The following PPARA variants were observed in gnomAD, a reference collection of about 807,000 sequenced individuals.
PPARA encodes the protein peroxisome proliferator activated receptor alpha, also known as peroxisome proliferator-activated receptor alpha.
A neutral mutation model predicts 42.2 loss-of-function variants in PPARA; 22 were observed. The observed-to-expected ratio is 0.52, with a 90% CI of 0.37 to 0.74. The LOEUF (loss-of-function observed/expected upper bound fraction) is 0.74. PPARA is among the 30% of genes least tolerant of loss of function. The pLI is 0.00. For synonymous variants in PPARA, 242 were observed against 239.3 expected, an observed-to-expected ratio of 1.01 and a Z score of -0.10; for missense variants, 465 against 608.2, an observed-to-expected ratio of 0.76 and a Z score of 2.48.
At chr22:46,207,677 A>ATTTTTTTTTTTTTTTTTT (rs764662561) in intron 4 of PPARA, among the ~76,000 whole-genome samples, 2 of 50,724 alleles carry the variant, frequency 3.9e-5, no homozygotes, top group Non-Finnish European at 6.6e-5. Context: ...TATTATTATT[A>ATTTTTTTTTTTTTTTTTT]TTTTTTTTTT....
Position 46,219,843 on chromosome 22 carries a change from G to A in PPARA, c.540G>A (p.Glu180=). ...AIRFGRMPRS[E]KAKLKAEILT... is the part of the protein sequence containing the mutation. ...GTTTTGGACGAATGCCAAGATCTGA[G>A]AAAGCAAAACTGAAAGCAGAAATTC... The change falls in exon 7 of 9, where the codon GAG becomes GAA. Residue 180 remains glutamate (E), a synonymous_variant. Transcript: ENST00000407236. The surrounding 1 kb of genome is among the most constrained non-coding windows in gnomAD (Gnocchi z 4.8). 1.2e-6 allele frequency: 2 copies of A among 1,614,176 alleles called. No individual in the cohort carries two copies. Among genetic ancestry groups the A allele is most frequent in the Admixed American group, 1.7e-5 (1 of 60,010 alleles).
chr22:46,194,753 T>C (rs1404735539), intron 3 of PPARA, among the ~76,000 whole-genome samples: 1 of 151,650 alleles, frequency 6.6e-6, no homozygotes, highest in Non-Finnish European at 1.5e-5. Flanking sequence ...TTTGTATTTT[T>C]AGTAGAGACG....
Position 46,182,330 on chromosome 22 carries a change from A to G in PPARA, c.-43+5494A>G, listed in dbSNP as rs1311005284. On this transcript the variant is annotated intron_variant, in intron 3 of 8. Transcript: ENST00000407236. The surrounding 1 kb of genome is among the most constrained non-coding windows in gnomAD (Gnocchi z 5.2). ...TCAGATGCCATTAATAGGTGAATAT[A>G]TTCTCAAACTGTGGTTATCCATACA... Among the ~76,000 whole-genome samples the G allele has an allele frequency of 6.6e-6, 1 of 152,264 alleles. No individual in the cohort carries two copies. Among genetic ancestry groups the G allele is most frequent in the African/African-American group, 2.4e-5 (1 of 41,464 alleles).
At chr22:46,172,540 CCTGGGAGGTGGATGTTG>C (rs1186683552) in intron 2 of PPARA, among the ~76,000 whole-genome samples, 1 of 152,102 alleles carries the variant, frequency 6.6e-6, no homozygotes, top group Non-Finnish European at 1.5e-5. Flanking sequence ...ATCACTTGAA[CCTGGGAGGTGGATGTTG>C]CTGTGAGCTG....
chr22:46,214,859 G>A (rs564971371), intron 4 of PPARA, among the ~76,000 whole-genome samples: 1 of 151,280 alleles, frequency 6.6e-6, no homozygotes, highest in East Asian at 2.0e-4. Context: ...TGGGAGACGC[G>A]CGGGCCCGGA....
chr22:46,198,082 C>CA (rs1169102520), intron 3 of PPARA, among the ~76,000 whole-genome samples: 1 of 142,320 alleles, frequency 7.0e-6, no homozygotes, highest in African/African-American at 2.7e-5. Context: ...AAAAAAAATA[C>CA]AAAAAATTAG....
rs1356594000 is a variant in PPARA at position 46,212,055 on chromosome 22, C to G, written c.209-3118C>G. 6.7e-6 allele frequency among the ~76,000 whole-genome samples: 1 copy of G among 149,912 alleles called. No individual in the cohort carries two copies. Among genetic ancestry groups the G allele is most frequent in the Non-Finnish European group, 1.5e-5 (1 of 67,456 alleles). ...TCTTTCTCTTTCCCTCTCCTCTCTT[C>G]TCCTCTCCTCTCCTTTGATGGAGGT... On this transcript the variant is annotated intron_variant, in intron 4 of 8. Transcript: ENST00000407236. This position sits in a 1 kb window ranked among gnomAD's most constrained non-coding sequence, Gnocchi z 4.2.
In PPARA at chr22:46,184,065, T is replaced by C. The variant is rs1417903755; in HGVS notation, c.-43+7229T>C. On this transcript the variant is annotated intron_variant, in intron 3 of 8. Transcript: ENST00000407236. This position sits in a 1 kb window ranked among gnomAD's most constrained non-coding sequence, Gnocchi z 4.4. Reference sequence around the variant, plus strand: ...TGAGTTAATGCACATTAGGTTCTTATTTATGACAGTGCCTGGCATAGGATA... The same window carrying C: ...TGAGTTAATGCACATTAGGTTCTTACTTATGACAGTGCCTGGCATAGGATA... Among the ~76,000 whole-genome samples, 1 of 152,228 alleles carries C rather than the reference T, an allele frequency of 6.6e-6. No homozygotes were observed. Among genetic ancestry groups the C allele is most frequent in the Non-Finnish European group, 1.5e-5 (1 of 68,048 alleles).
Position 46,212,469 on chromosome 22 carries a change from T to C in PPARA, c.209-2704T>C, listed in dbSNP as rs1288230165. Among the ~76,000 whole-genome samples, 2 of 152,200 alleles carry C rather than the reference T, an allele frequency of 1.3e-5. No homozygotes were observed. The highest frequency in any genetic ancestry group is 4.8e-5 in the African/African-American group (2 of 41,448). ...AGCTCAGAAATGGTTCTTTTTACCA[T>C]TGCTATAATTTTGCCTTTTCCAGAA... On this transcript the variant is annotated intron_variant, in intron 4 of 8. Transcript: ENST00000407236. This position sits in a 1 kb window ranked among gnomAD's most constrained non-coding sequence, Gnocchi z 4.2.
intron 2 of PPARA, among the ~76,000 whole-genome samples, chr22:46,157,798 C>T (rs989379516): frequency 6.6e-6 from 1 of 152,100 alleles, no homozygotes; most frequent in Non-Finnish European, 1.5e-5. Context: ...TTGGAGAAAA[C>T]TCAGATGAAA....
In PPARA at chr22:46,171,360, A is replaced by T. The variant is rs1928006802; in HGVS notation, c.-126-5393A>T. 6.6e-6 allele frequency: 1 copy of T among 152,270 alleles called. No individual in the cohort carries two copies. Among genetic ancestry groups the T allele is most frequent in the African/African-American group, 2.4e-5 (1 of 41,444 alleles). The allele number at this position is 152,270 out of a possible 1,614,324, so 9.4% of individuals were successfully genotyped here. A position where few individuals can be genotyped will look rare whatever the true frequency, so the allele number is the denominator to read the frequency against. On this transcript the variant is annotated intron_variant, in intron 2 of 8. Transcript: ENST00000407236. The surrounding 1 kb of genome is among the most constrained non-coding windows in gnomAD (Gnocchi z 5.0). Reference sequence around the variant, plus strand: ...TTGTTCTAAGATACGTAAGTGAACAAAACCCATGACACCCTCGTCTATGAG... The same window carrying T: ...TTGTTCTAAGATACGTAAGTGAACATAACCCATGACACCCTCGTCTATGAG...
rs761230346 is a variant in PPARA at position 46,220,111 on chromosome 22, T to A, written c.711+97T>A. On this transcript the variant is annotated intron_variant, in intron 7 of 8. Coordinates refer to ENST00000407236, the MANE Select transcript of PPARA (RefSeq NM_005036.6). ...CATGTGTTGAATGTTGAGAAAATTA[T>A]ATTTATCCCACAGTTAAGCAAAGGA... The A allele has an allele frequency of 2.9e-6, 4 of 1,366,910 alleles. No homozygotes were observed. In the African/African-American group the frequency reaches 5.7e-5, roughly 20 times the overall value. The allele number at this position is 1,366,910 out of a possible 1,614,324, so 84.7% of individuals were successfully genotyped here.
chr22:46,158,304 G>A (rs1364947604), intron 2 of PPARA, among the ~76,000 whole-genome samples: 1 of 152,172 alleles, frequency 6.6e-6, no homozygotes, highest in Non-Finnish European at 1.5e-5. Flanking sequence ...CTACTCAGGA[G>A]GCTGAGGCAG....
In PPARA at chr22:46,184,724, G is replaced by T. The variant is rs903846069; in HGVS notation, c.-43+7888G>T. On this transcript the variant is annotated intron_variant, in intron 3 of 8. Transcript: ENST00000407236. The surrounding 1 kb of genome is among the most constrained non-coding windows in gnomAD (Gnocchi z 4.4). Reference sequence around the variant, plus strand: ...ACAAAAATTAGCCAGGCGTGGTGGCGCACGCCTGTAGTACCAGCTATTCGG... The same window carrying T: ...ACAAAAATTAGCCAGGCGTGGTGGCTCACGCCTGTAGTACCAGCTATTCGG... 2.6e-5 allele frequency among the ~76,000 whole-genome samples: 4 copies of T among 152,134 alleles called. No homozygotes were observed. The South Asian group carries it at 8.3e-4, about 32-fold the overall frequency.
intron 2 of PPARA, chr22:46,164,038 A>T (rs2147145192): frequency 6.6e-6 from 1 of 151,922 alleles, no homozygotes; most frequent in South Asian, 2.1e-4. Flanking sequence ...CAACATGGTG[A>T]AACCTTGTCT....
chr22:46,168,351 C>CAAAAAAAA lies in PPARA; in HGVS notation c.-126-8382_-126-8375dup, dbSNP rs35345592. On this transcript the variant is annotated intron_variant, in intron 2 of 8. Coordinates refer to ENST00000407236, the MANE Select transcript of PPARA (RefSeq NM_005036.6). ...TGGACAACAGAGCGAGACTCCATCTCAAAAAAAAAAAAAAAAAAAAAAAAA... is the reference window on the plus strand; with the variant it reads ...TGGACAACAGAGCGAGACTCCATCTCAAAAAAAAAAAAAAAAAAAAAAAAAAAAAAAAA... 2.9e-3 allele frequency among the ~76,000 whole-genome samples: 42 copies of CAAAAAAAA among 14,358 alleles called. 2 individuals carry two copies. Among genetic ancestry groups the CAAAAAAAA allele is most frequent in the African/African-American group, 4.3e-3 (20 of 4,642 alleles). 9.4% of individuals were successfully genotyped at this position (14,358 alleles called of 152,430 possible).
At position 46,212,483 on chromosome 22, in the gene PPARA, C is replaced by A. The variant is rs774329304; in HGVS notation, c.209-2690C>A. 1.3e-5 allele frequency among the ~76,000 whole-genome samples: 2 copies of A among 152,202 alleles called. No individual in the cohort carries two copies. Among genetic ancestry groups the A allele is most frequent in the Non-Finnish European group, 1.5e-5 (1 of 68,040 alleles). On this transcript the variant is annotated intron_variant, in intron 4 of 8. Coordinates refer to ENST00000407236, the MANE Select transcript of PPARA (RefSeq NM_005036.6). The surrounding 1 kb of genome is among the most constrained non-coding windows in gnomAD (Gnocchi z 4.2). ...TCTTTTTACCATTGCTATAATTTTG[C>A]CTTTTCCAGAACGCCATGAATTTGA...
rs373704324 is a variant in PPARA at position 46,231,748 on chromosome 22, C to T, written c.712-44C>T. 926 of 1,560,626 alleles carry T rather than the reference C, an allele frequency of 5.9e-4. No homozygotes were observed. Among genetic ancestry groups the T allele is most frequent in the Non-Finnish European group, 7.3e-4 (835 of 1,138,192 alleles). Reference sequence around the variant, plus strand: ...AGTGAGCTGATAGCTGGGAGCATAGCGCATCCCACATCACCTGACTTACCT... The same window carrying T: ...AGTGAGCTGATAGCTGGGAGCATAGTGCATCCCACATCACCTGACTTACCT... On this transcript the variant is annotated intron_variant, in intron 7 of 8. Coordinates refer to ENST00000407236, the MANE Select transcript of PPARA (RefSeq NM_005036.6). This position sits in a 1 kb window ranked among gnomAD's most constrained non-coding sequence, Gnocchi z 7.7.
Position 46,211,172 on chromosome 22 carries a change from TTC to T in PPARA, c.209-3999_209-3998del, listed in dbSNP as rs1235890682. Among the ~76,000 whole-genome samples, 2 of 152,220 alleles carry T rather than the reference TTC, an allele frequency of 1.3e-5. No individual in the cohort carries two copies. Among genetic ancestry groups the T allele is most frequent in the African/African-American group, 4.8e-5 (2 of 41,456 alleles). On this transcript the variant is annotated intron_variant, in intron 4 of 8. Coordinates refer to ENST00000407236, the MANE Select transcript of PPARA (RefSeq NM_005036.6). This position sits in a 1 kb window ranked among gnomAD's most constrained non-coding sequence, Gnocchi z 4.1. ...TGTCTATACAGGAATCTATCGGTAT[TTC>T]TGTCTGTGGCCATCTGTAGCTGTAT...
Sources: allele counts gnomAD v4.1 joint callset (sites outside exome capture counted in the v4.1 genomes callset), GRCh38; gene constraint gnomAD v4.1.1; non-coding constraint Gnocchi (gnomAD v3.1); transcripts MANE v1.5; gene names NCBI Gene and HGNC (gene_info 2026-07-23, HGNC 2026-07-21).